THADA: variants seen among roughly 807,000 people sequenced by gnomAD.
THADA encodes the protein tRNA (32-2'-O)-methyltransferase regulator THADA.
Under a neutral mutation model 219.8 loss-of-function variants are expected in THADA, and 213 were observed. That is an observed-to-expected ratio of 0.97 (90% CI 0.87 to 1.09). The LOEUF (loss-of-function observed/expected upper bound fraction) is 1.09, where lower values mean the gene tolerates loss of function less well. THADA is among the 50% of genes least tolerant of loss of function. THADA has a pLI of 0.00. For missense variants in THADA, 2,956 were observed against 2,311.3 expected (o/e 1.28, Z -5.72); for synonymous variants, 1,018 against 828.9 (o/e 1.23, Z -3.92).
intron 30 of THADA, among the ~76,000 whole-genome samples, chr2:43,334,545 T>C (rs2104507829): frequency 6.6e-6 from 1 of 152,266 alleles, no homozygotes; most frequent in African/African-American, 2.4e-5. Flanking sequence ...TGAGAGCCTG[T>C]TTTTCTCACC....
intron 21 of THADA, among the ~76,000 whole-genome samples, chr2:43,540,904 A>C (rs900883077): frequency 2.0e-5 from 3 of 152,230 alleles, no homozygotes; most frequent in Non-Finnish European, 4.4e-5. Flanking sequence ...AAAATTAGAG[A>C]TAAAACTACA....
rs552317521 is a variant in THADA at position 43,530,808 on chromosome 2, T to A, written c.3265-2820A>T. Among the ~76,000 whole-genome samples the A allele has an allele frequency of 5.9e-5, 9 of 152,304 alleles. No individual in the cohort carries two copies. The Middle Eastern group carries it at 0.01, about 173-fold the overall frequency. ...AAGCATATAATAAAAATCAAAGACC[T>A]CAGAAGTATGACCAGTGGGTGGTCT... On this transcript the variant is annotated intron_variant, in intron 21 of 37. Coordinates refer to ENST00000405975, the MANE Select transcript of THADA (RefSeq NM_022065.5).
chr2:43,455,779 C>T (rs1256446359), intron 26 of THADA, among the ~76,000 whole-genome samples: 4 of 152,178 alleles, frequency 2.6e-5, no homozygotes, highest in Non-Finnish European at 5.9e-5. Context: ...ATTCTAAATG[C>T]AGAATTAAAA....
chr2:43,536,230 G>A (rs926690309), intron 21 of THADA, among the ~76,000 whole-genome samples: 21 of 152,130 alleles, frequency 1.4e-4, no homozygotes, highest in Non-Finnish European at 2.9e-4. Context: ...ATGAGAGTTC[G>A]TGGAGCCTTT....
chr2:43,539,653 C>A (rs1404628289), intron 21 of THADA, among the ~76,000 whole-genome samples: 3 of 152,114 alleles, frequency 2.0e-5, no homozygotes, highest in African/African-American at 7.2e-5. Context: ...TGTGAGGTTA[C>A]CATGTGAATG....
rs182156451 is a variant in THADA, at chr2:43,344,205, G to A, written c.4260C>T (p.Ser1420=). ...VFHLLQAYSD[S]KHGTNSDFQH... ...GGAAGTCTGAATTCGTTCCGTGTTTGGAGTCTGAGTAGGCTTGCAACAAAT... is the reference window on the plus strand; with the variant it reads ...GGAAGTCTGAATTCGTTCCGTGTTTAGAGTCTGAGTAGGCTTGCAACAAAT... The change falls in exon 30 of 38, where the codon TCC becomes TCT. Residue 1420 remains serine (S), a synonymous_variant. Coordinates refer to ENST00000405975, the MANE Select transcript of THADA (RefSeq NM_022065.5). 60 of 1,612,350 alleles carry A rather than the reference G, an allele frequency of 3.7e-5. No individual in the cohort carries two copies. In the Admixed American group the frequency reaches 6.7e-4, roughly 18 times the overall value.
chr2:43,541,093 A>T (rs913100023), intron 21 of THADA, 66 bp downstream of exon 21: 5 of 1,390,064 alleles, frequency 3.6e-6, no homozygotes, highest in Non-Finnish European at 4.7e-6. Context: ...GAGTTGGGTT[A>T]TAAAAAAAAA....
rs138949612 is a variant in THADA at position 43,571,822 on chromosome 2, C to T, written c.1949G>A (p.Arg650Gln). The change falls in exon 13 of 38, where the codon CGG (arginine) becomes CAG (glutamine). Residue 650 changes from arginine (R) to glutamine (Q), a missense_variant. Physicochemically the swap from Arg to Gln is conservative, Grantham distance 43. Transcript: ENST00000405975. ...DTLGLLCESN[R>Q]STEIVSMEEM... Reference sequence around the variant, plus strand: ...TTCCATGGAAACAATTTCTGTGCTCCGATTACTTTCACAAAGCAAGCCTAA... The same window carrying T: ...TTCCATGGAAACAATTTCTGTGCTCTGATTACTTTCACAAAGCAAGCCTAA... 2.7e-5 allele frequency: 44 copies of T among 1,613,770 alleles called. No homozygotes were observed. The highest frequency in any genetic ancestry group is 3.5e-5 in the Non-Finnish European group (41 of 1,179,820).
rs1218429057 is a variant in THADA, at chr2:43,527,904, C to G, written c.3349G>C (p.Val1117Leu). 1.2e-6 allele frequency: 2 copies of G among 1,612,944 alleles called. No individual in the cohort carries two copies. The highest frequency in any genetic ancestry group is 1.1e-5 in the South Asian group (1 of 90,986). Residue 1117 changes from valine (V) to leucine (L), a missense_variant, in exon 22 of 38, where the codon GTG becomes CTG. Val to Leu is a conservative substitution (Grantham distance 32). Coordinates refer to ENST00000405975, the MANE Select transcript of THADA (RefSeq NM_022065.5). ...GAFELAYTGF[V>L]KLTEVLNRCP... ...CTGTTTAGTACTTCAGTGAGTTTCA[C>G]AAAACCAGTATAAGCCAATTCAAAT...
At chr2:43,231,486 C>T in intron 37 of THADA, 143 bp from the exon 38 acceptor site, 5 of 703,344 alleles carry the variant, frequency 7.1e-6, no homozygotes, top group Non-Finnish European at 1.1e-5. Flanking sequence ...TGTCAACATC[C>T]ATGTACACAC....
In THADA at chr2:43,313,634, G is replaced by A. The variant is rs932317114; in HGVS notation, c.4438+6812C>T. On this transcript the variant is annotated intron_variant, in intron 31 of 37. Transcript: ENST00000405975. ...ACGCTCCAGTCCTGGGTAGGCTCTC[G>A]TATTATTCCACACACCCTCAGGATG... is the stretch of plus-strand genomic sequence containing the variant. Among the ~76,000 whole-genome samples, 8 of 152,162 alleles carry A rather than the reference G, an allele frequency of 5.3e-5. 1 individual carries two copies. Among genetic ancestry groups the A allele is most frequent in the African/African-American group, 1.9e-4 (8 of 41,440 alleles).
At chr2:43,231,967 TCA>T (rs1667476800) in intron 37 of THADA, among the ~76,000 whole-genome samples, 1 of 152,128 alleles carries the variant, frequency 6.6e-6, no homozygotes, top group Non-Finnish European at 1.5e-5. Flanking sequence ...GTCTTTGTCC[TCA>T]GTTTCCCTAT....
chr2:43,335,227 G>T (rs547618414), intron 30 of THADA, among the ~76,000 whole-genome samples: 3 of 152,282 alleles, frequency 2.0e-5, no homozygotes, highest in East Asian at 1.9e-4. Flanking sequence ...TCTAGAGAAG[G>T]CTTAAATTAC....
At chr2:43,322,493 G>A (rs889366506) in intron 30 of THADA, among the ~76,000 whole-genome samples, 2 of 151,470 alleles carry the variant, frequency 1.3e-5, no homozygotes, top group African/African-American at 2.4e-5. Context: ...GACAGAGTGA[G>A]ACTCTGTCTC....
chr2:43,489,855 A>G (rs1487445786), intron 25 of THADA, among the ~76,000 whole-genome samples: 16 of 144,416 alleles, frequency 1.1e-4, no homozygotes, highest in African/African-American at 4.2e-4. Flanking sequence ...TCACATTTCC[A>G]TATGTATTTT....
At chr2:43,415,862 A>G (rs1204816229) in intron 28 of THADA, among the ~76,000 whole-genome samples, 2 of 151,900 alleles carry the variant, frequency 1.3e-5, no homozygotes, top group Non-Finnish European at 2.9e-5. Context: ...GACATGTTCA[A>G]CCACGCAGCA....
intron 22 of THADA, among the ~76,000 whole-genome samples, chr2:43,521,571 G>A (rs1180348872): frequency 6.6e-6 from 1 of 152,188 alleles, no homozygotes; most frequent in East Asian, 1.9e-4. Flanking sequence ...AAAGGTAAGG[G>A]GTTTGTTGTT....
At chr2:43,595,045 C>T (rs527626104) in intron 1 of THADA, among the ~76,000 whole-genome samples, 1 of 152,348 alleles carries the variant, frequency 6.6e-6, no homozygotes, top group South Asian at 2.1e-4. Context: ...TGTTTCAAGT[C>T]TCAATTTCCA....
chr2:43,490,271 A>T (rs892104720), intron 25 of THADA, among the ~76,000 whole-genome samples: 1 of 152,216 alleles, frequency 6.6e-6, no homozygotes, highest in Admixed American at 6.5e-5. Context: ...ATTTAAGATC[A>T]TGTCATCAGA....
Sources: allele counts gnomAD v4.1 joint callset (sites outside exome capture counted in the v4.1 genomes callset), GRCh38; gene constraint gnomAD v4.1.1; transcripts MANE v1.5; gene names NCBI Gene and HGNC (gene_info 2026-07-23, HGNC 2026-07-21).